The following GULP1 variants were observed in gnomAD, a reference collection of about 807,000 sequenced individuals.
GULP1 encodes GULP PTB domain containing engulfment adaptor 1.
Under a neutral mutation model 40.9 loss-of-function variants are expected in GULP1, and 19 were observed. The observed-to-expected ratio is 0.46, with a 90% CI of 0.32 to 0.68. The LOEUF is 0.68. GULP1 is among the 30% of genes least tolerant of loss of function. GULP1 has a pLI of 0.03. For missense variants in GULP1, 312 were observed against 362.2 expected (o/e 0.86, Z 1.12); for synonymous variants, 119 against 117.6 (o/e 1.01, Z -0.08).
At chr2:188,309,098 A>G (rs1195744535) in intron 1 of GULP1, among the ~76,000 whole-genome samples, 3 of 152,128 alleles carry the variant, frequency 2.0e-5, no homozygotes, top group Non-Finnish European at 4.4e-5. Context: ...TCCTTTTCAC[A>G]GTTTGAATCC....
At chr2:188,293,416 T>A (rs1157482690) in intron 1 of GULP1, among the ~76,000 whole-genome samples, 1 of 152,246 alleles carries the variant, frequency 6.6e-6, no homozygotes, top group Non-Finnish European at 1.5e-5. Context: ...GTTCAAGTCA[T>A]GACTGATTTC....
chr2:188,335,924 G>C (rs1450652258), intron 1 of GULP1, among the ~76,000 whole-genome samples: 1 of 152,102 alleles, frequency 6.6e-6, no homozygotes, highest in Non-Finnish European at 1.5e-5. Context: ...TTTAGATTAT[G>C]TTACAGATAT....
intron 1 of GULP1, among the ~76,000 whole-genome samples, chr2:188,306,502 A>C (rs1363370426): frequency 6.6e-6 from 1 of 152,136 alleles, no homozygotes; most frequent in East Asian, 1.9e-4. Flanking sequence ...TTGACATTCT[A>C]GTTGTGAGGG....
chr2:188,363,716 A>G (rs1003525297), intron 1 of GULP1, among the ~76,000 whole-genome samples: 2 of 152,312 alleles, frequency 1.3e-5, no homozygotes, highest in South Asian at 2.1e-4. Flanking sequence ...GCCATTGTAC[A>G]TAAGATTTGA....
chr2:188,347,614 ATT>A (rs10627846), intron 1 of GULP1, among the ~76,000 whole-genome samples: 19 of 135,246 alleles, frequency 1.4e-4, no homozygotes, highest in Non-Finnish European at 1.9e-4. Flanking sequence ...ATCTCAAAGC[ATT>A]TTTTTTTTTT....
chr2:188,547,673 C>A (rs1265371031), intron 7 of GULP1, among the ~76,000 whole-genome samples: 1 of 152,142 alleles, frequency 6.6e-6, no homozygotes, highest in African/African-American at 2.4e-5. Context: ...AAATGTTAAT[C>A]TCCTTTGGCA....
intron 2 of GULP1, among the ~76,000 whole-genome samples, chr2:188,470,300 G>T (rs1030466573): frequency 1.3e-5 from 2 of 152,026 alleles, no homozygotes; most frequent in Non-Finnish European, 2.9e-5. Context: ...TATGTCTCTA[G>T]GAATTTGTCC....
In GULP1 at chr2:188,509,968, A is replaced by G. The variant is rs1396691446; in HGVS notation, c.91-12788A>G. 2.0e-5 allele frequency among the ~76,000 whole-genome samples: 3 copies of G among 152,098 alleles called. No individual in the cohort carries two copies. In the East Asian group the frequency reaches 5.8e-4, roughly 29 times the overall value. On this transcript the variant is annotated intron_variant, in intron 4 of 11. Coordinates refer to ENST00000409830, the MANE Select transcript of GULP1 (RefSeq NM_016315.4). ...CCTGATACATAGAGTATGCACAATA[A>G]ATATTTTTGAGATGGATTAGGACAT...
intron 4 of GULP1, among the ~76,000 whole-genome samples, chr2:188,488,961 C>A (rs2062101914): frequency 6.6e-6 from 1 of 151,788 alleles, no homozygotes; most frequent in Non-Finnish European, 1.5e-5. Flanking sequence ...AAAGTTACAA[C>A]ATTATTTGGC....
intron 9 of GULP1, among the ~76,000 whole-genome samples, chr2:188,580,282 G>A (rs974394064): frequency 6.6e-6 from 1 of 152,106 alleles, no homozygotes; most frequent in African/African-American, 2.4e-5. Flanking sequence ...GGCCGGGCGC[G>A]GTGGCTCACG....
chr2:188,545,373 T>TTCTGATGTGATTTTAA (rs1691643104), intron 7 of GULP1, among the ~76,000 whole-genome samples: 1 of 151,856 alleles, frequency 6.6e-6, no homozygotes, highest in Non-Finnish European at 1.5e-5. Context: ...AAAAAATACT[T>TTCTGATGTGATTTTAA]TCTGATGTGA....
At chr2:188,302,952 A>G (rs955065587) in intron 1 of GULP1, among the ~76,000 whole-genome samples, 11 of 152,170 alleles carry the variant, frequency 7.2e-5, no homozygotes. Flanking sequence ...TAGTATTTGA[A>G]GTTGAGCCTA....
At chr2:188,365,464 T>A (rs1197570843) in intron 1 of GULP1, among the ~76,000 whole-genome samples, 1 of 152,226 alleles carries the variant, frequency 6.6e-6, no homozygotes, top group Non-Finnish European at 1.5e-5. Flanking sequence ...ATTTTGTTTG[T>A]GCTTTGTTTT....
chr2:188,547,086 A>G (rs1472639392), intron 7 of GULP1, among the ~76,000 whole-genome samples: 1 of 152,018 alleles, frequency 6.6e-6, no homozygotes, highest in African/African-American at 2.4e-5. Flanking sequence ...CTCCAGGTGT[A>G]GATGGTTTCA....
chr2:188,486,624 A>G (rs1559297112), intron 4 of GULP1, among the ~76,000 whole-genome samples: 1 of 152,044 alleles, frequency 6.6e-6, no homozygotes, highest in East Asian at 1.9e-4. Flanking sequence ...CTTTCAATTT[A>G]TGGAACATTG....
At chr2:188,392,028 AT>A (rs1657696374) in intron 2 of GULP1, among the ~76,000 whole-genome samples, 3 of 151,368 alleles carry the variant, frequency 2.0e-5, no homozygotes, top group Admixed American at 2.0e-4. Context: ...TCTATTGAGG[AT>A]TTTTGCATCT....
chr2:188,301,606 T>C (rs1189201120), intron 1 of GULP1, among the ~76,000 whole-genome samples: 1 of 152,226 alleles, frequency 6.6e-6, no homozygotes, highest in Non-Finnish European at 1.5e-5. Context: ...TAGATTAGGT[T>C]CAGCTAAAAA....
chr2:188,520,854 C>A (rs10207510), intron 4 of GULP1, among the ~76,000 whole-genome samples: 1 of 152,102 alleles, frequency 6.6e-6, no homozygotes, highest in African/African-American at 2.4e-5. Flanking sequence ...TTTTAACCAA[C>A]GCTCTAGGTA....
At chr2:188,318,229 C>T (rs558000556) in intron 1 of GULP1, among the ~76,000 whole-genome samples, 7 of 152,100 alleles carry the variant, frequency 4.6e-5, no homozygotes, top group African/African-American at 7.2e-5. Flanking sequence ...GACTGACTAT[C>T]GCTATATATG....
Sources: allele counts gnomAD v4.1 joint callset (sites outside exome capture counted in the v4.1 genomes callset), GRCh38; gene constraint gnomAD v4.1.1; transcripts MANE v1.5; gene names NCBI Gene and HGNC (gene_info 2026-07-23, HGNC 2026-07-21).